EPHA6: variants seen among roughly 807,000 people sequenced by gnomAD.
EPHA6 encodes the protein EPH receptor A6.
In EPHA6, 50 loss-of-function variants were observed where a neutral mutation model predicts 112.0. The ratio of observed to expected loss-of-function variants is 0.45; its 90% CI spans 0.36 to 0.56. EPHA6 has a LOEUF of 0.56. Among genes scored for constraint, EPHA6 ranks in the 20% least tolerant of loss-of-function variants. EPHA6 has a pLI of 0.00. For missense variants in EPHA6, 1,280 were observed against 1,417.4 expected (o/e 0.90, Z 1.56); for synonymous variants, 529 against 490.7 (o/e 1.08, Z -1.03).
intron 14 of EPHA6, among the ~76,000 whole-genome samples, chr3:97,689,190 A>G (rs1191529457): frequency 6.6e-6 from 1 of 152,232 alleles, no homozygotes; most frequent in African/African-American, 2.4e-5. Flanking sequence ...GTCATATGGA[A>G]GTTCACAGAA....
chr3:97,076,361 C>A (rs1200845480), intron 3 of EPHA6, among the ~76,000 whole-genome samples: 1 of 152,128 alleles, frequency 6.6e-6, no homozygotes, highest in Non-Finnish European at 1.5e-5. Context: ...CCACAACATT[C>A]CGTTAAGCCA....
Position 96,974,108 on chromosome 3 carries a change from G to T in EPHA6, c.451-13222G>T, listed in dbSNP as rs1040774479. Among the ~76,000 whole-genome samples, 29 of 145,208 alleles carry T rather than the reference G, an allele frequency of 2.0e-4. 1 individual carries two copies. The highest frequency in any genetic ancestry group is 7.0e-4 in the African/African-American group (28 of 40,062). ...TAATTATAAATAATATAATGAAATT[G>T]TATTTATAATATAAAGCTTTATTAT... On this transcript the variant is annotated intron_variant, in intron 2 of 17. Transcript: ENST00000389672.
chr3:97,265,248 A>G (rs571919667), intron 5 of EPHA6, among the ~76,000 whole-genome samples: 1 of 152,114 alleles, frequency 6.6e-6, no homozygotes, highest in African/African-American at 2.4e-5. Flanking sequence ...CTGAAGGTGG[A>G]GCCTCACTGG....
At chr3:97,606,636 G>A (rs2093682021) in intron 12 of EPHA6, among the ~76,000 whole-genome samples, 1 of 151,200 alleles carries the variant, frequency 6.6e-6, no homozygotes, top group African/African-American at 2.4e-5. Context: ...TAATCATCAG[G>A]CAACACCATA....
At chr3:97,610,770 T>G in intron 12 of EPHA6, 23 bp from the exon 13 acceptor site, 1 of 1,598,150 alleles carries the variant, frequency 6.3e-7, no homozygotes, top group Non-Finnish European at 8.6e-7. Context: ...CTAATCCATG[T>G]GTATTCTCTT....
chr3:97,676,645 A>G (rs2031413087), intron 14 of EPHA6, among the ~76,000 whole-genome samples: 1 of 152,178 alleles, frequency 6.6e-6, no homozygotes, highest in Admixed American at 6.5e-5. Flanking sequence ...AAAAAGAAAG[A>G]CAATCTTACT....
intron 14 of EPHA6, among the ~76,000 whole-genome samples, chr3:97,702,197 A>G (rs62262815): frequency 0.021 from 3,241 of 152,300 alleles, 59 homozygotes; most frequent in Middle Eastern, 0.044. Context: ...GAGGGTCAAA[A>G]CTATGCATTT....
chr3:97,480,870 C>T (rs1298806910), intron 9 of EPHA6, among the ~76,000 whole-genome samples: 15 of 151,932 alleles, frequency 9.9e-5, no homozygotes, highest in African/African-American at 3.4e-4. Context: ...CTCCTCATAT[C>T]CCAGACGGGG....
At chr3:97,170,462 C>A (rs758539760) in intron 3 of EPHA6, among the ~76,000 whole-genome samples, 4 of 152,086 alleles carry the variant, frequency 2.6e-5, no homozygotes, top group South Asian at 2.1e-4. Flanking sequence ...TGGAGCCAGG[C>A]GTGGTGGCTC....
At chr3:97,287,823 G>T (rs1276300885) in intron 5 of EPHA6, among the ~76,000 whole-genome samples, 3 of 152,056 alleles carry the variant, frequency 2.0e-5, no homozygotes, top group Non-Finnish European at 2.9e-5. Context: ...GTATTTTGTT[G>T]AGGATTTTGC....
chr3:97,292,209 C>T (rs759866404), intron 5 of EPHA6, among the ~76,000 whole-genome samples: 3 of 152,242 alleles, frequency 2.0e-5, no homozygotes, highest in African/African-American at 4.8e-5. Flanking sequence ...TGCCAGGAAC[C>T]GCAGAGCCCC....
intron 5 of EPHA6, among the ~76,000 whole-genome samples, chr3:97,282,329 C>T (rs903819977): frequency 8.6e-5 from 13 of 151,950 alleles, no homozygotes; most frequent in African/African-American, 2.9e-4. Context: ...TATTAAAAGT[C>T]GAAACAACAG....
intron 3 of EPHA6, among the ~76,000 whole-genome samples, chr3:97,155,272 AC>A (rs142633080): frequency 0.11 from 16,465 of 151,984 alleles, 1,261 homozygotes; most frequent in African/African-American, 0.21. Context: ...TCAGACCAAA[AC>A]CCCTCAAAAA....
intron 5 of EPHA6, among the ~76,000 whole-genome samples, chr3:97,404,124 T>C (rs1049454819): frequency 6.6e-5 from 10 of 152,226 alleles, no homozygotes; most frequent in Non-Finnish European, 1.2e-4. Context: ...AGGAATGGTA[T>C]TGTAAATATG....
intron 3 of EPHA6, among the ~76,000 whole-genome samples, chr3:97,029,618 A>G (rs1371361607): frequency 6.6e-6 from 1 of 152,100 alleles, no homozygotes; most frequent in East Asian, 1.9e-4. Flanking sequence ...TGCAAAGAGG[A>G]AAAGAAATTA....
At chr3:97,057,889 T>A (rs1350623197) in intron 3 of EPHA6, among the ~76,000 whole-genome samples, 2 of 152,182 alleles carry the variant, frequency 1.3e-5, no homozygotes, top group Non-Finnish European at 2.9e-5. Flanking sequence ...CACTAAAGTT[T>A]CCATCTCTGT....
At chr3:97,453,493 G>T (rs1340295647) in intron 7 of EPHA6, among the ~76,000 whole-genome samples, 7 of 151,540 alleles carry the variant, frequency 4.6e-5, no homozygotes, top group Non-Finnish European at 1.0e-4. Context: ...ACATCTGTCA[G>T]CATTTTAAAA....
intron 13 of EPHA6, among the ~76,000 whole-genome samples, chr3:97,621,466 C>A (rs1230460476): frequency 1.3e-5 from 2 of 151,806 alleles, no homozygotes; most frequent in Non-Finnish European, 2.9e-5. Context: ...GTCCAGACAG[C>A]AATTTAAAAT....
chr3:96,833,163 G>T (rs1259914687), intron 1 of EPHA6, among the ~76,000 whole-genome samples: 4 of 149,426 alleles, frequency 2.7e-5, no homozygotes, highest in Non-Finnish European at 5.9e-5. Flanking sequence ...TTAAGATGAG[G>T]TCTTACTGTT....
Sources: allele counts gnomAD v4.1 joint callset (sites outside exome capture counted in the v4.1 genomes callset), GRCh38; gene constraint gnomAD v4.1.1; transcripts MANE v1.5; gene names NCBI Gene and HGNC (gene_info 2026-07-23, HGNC 2026-07-21).